The following SSBP3 variants were observed in gnomAD, a reference collection of about 807,000 sequenced individuals.
SSBP3 encodes the protein single-stranded DNA-binding protein 3.
In SSBP3, 5 loss-of-function variants were observed where a neutral mutation model predicts 69.6. The observed-to-expected ratio is 0.07, with a 90% confidence interval of 0.04 to 0.15. The LOEUF is 0.15. Among genes scored for constraint, SSBP3 ranks in the 10% least tolerant of loss-of-function variants. The pLI, the probability that SSBP3 is intolerant of heterozygous loss-of-function variation, is 1.00. For missense variants in SSBP3, 312 were observed against 534.0 expected (o/e 0.58, Z 4.10); for synonymous variants, 196 against 193.4 (o/e 1.01, Z -0.11).
intron 14 of SSBP3, among the ~76,000 whole-genome samples, chr1:54,229,107 C>A (rs1161448995): frequency 6.6e-6 from 1 of 152,238 alleles, no homozygotes; most frequent in East Asian, 1.9e-4. Flanking sequence ...TGAAACTGAG[C>A]CTCTCGGATC....
chr1:54,244,662 G>A (rs986523645), intron 9 of SSBP3, among the ~76,000 whole-genome samples: 10 of 152,180 alleles, frequency 6.6e-5, no homozygotes, highest in Non-Finnish European at 1.2e-4. Context: ...CTCGTATCAC[G>A]CGCATCTCTT....
chr1:54,368,219 A>C, intron 4 of SSBP3, among the ~76,000 whole-genome samples: 1 of 145,316 alleles, frequency 6.9e-6, no homozygotes, highest in East Asian at 2.0e-4. Flanking sequence ...AATGGCATGA[A>C]CCCGGGAGGC....
intron 4 of SSBP3, among the ~76,000 whole-genome samples, chr1:54,372,523 C>G (rs1647151938): frequency 6.6e-6 from 1 of 152,200 alleles, no homozygotes; most frequent in Non-Finnish European, 1.5e-5. Context: ...GCACTGACCA[C>G]CACCTACCTT....
At chr1:54,274,719 G>A (rs1645254225) in intron 5 of SSBP3, among the ~76,000 whole-genome samples, 1 of 152,196 alleles carries the variant, frequency 6.6e-6, no homozygotes, top group South Asian at 2.1e-4. Context: ...AGCCGGCCAA[G>A]GGCCCAGCCC....
At chr1:54,357,624 G>C (rs2100614478) in intron 4 of SSBP3, among the ~76,000 whole-genome samples, 1 of 152,312 alleles carries the variant, frequency 6.6e-6, no homozygotes, top group South Asian at 2.1e-4. Flanking sequence ...GTCCTAAGCT[G>C]CGCACAGCAG....
intron 4 of SSBP3, among the ~76,000 whole-genome samples, chr1:54,365,119 C>T (rs2100650551): frequency 6.6e-6 from 1 of 152,248 alleles, no homozygotes; most frequent in African/African-American, 2.4e-5. Flanking sequence ...TTTGCACCCG[C>T]ACCAGGAAAA....
chr1:54,403,408 T>C (rs2100822184), intron 3 of SSBP3, among the ~76,000 whole-genome samples: 1 of 152,162 alleles, frequency 6.6e-6, no homozygotes, highest in Non-Finnish European at 1.5e-5. Context: ...ATCATAAACC[T>C]AAGTTTCTAC....
chr1:54,351,877 A>G (rs1161230830), intron 4 of SSBP3, among the ~76,000 whole-genome samples: 1 of 152,118 alleles, frequency 6.6e-6, no homozygotes, highest in Non-Finnish European at 1.5e-5. Flanking sequence ...CTATCTATCC[A>G]TCCACCCACC....
At chr1:54,327,293 A>AACAACT (rs1315240746) in intron 4 of SSBP3, among the ~76,000 whole-genome samples, 1 of 151,298 alleles carries the variant, frequency 6.6e-6, no homozygotes, top group African/African-American at 2.4e-5. Context: ...GAACAACAAC[A>AACAACT]AAAAACCCCC....
chr1:54,270,452 G>GT (rs1645173891), intron 5 of SSBP3, among the ~76,000 whole-genome samples: 1 of 152,244 alleles, frequency 6.6e-6, no homozygotes, highest in Non-Finnish European at 1.5e-5. Context: ...ATGAAGGGAA[G>GT]TAACGTGTTA....
chr1:54,403,950 G>A (rs1191903208), intron 3 of SSBP3, among the ~76,000 whole-genome samples: 2 of 148,192 alleles, frequency 1.3e-5, no homozygotes, highest in Non-Finnish European at 3.0e-5. Flanking sequence ...GCCCCTAACT[G>A]CAGACACTGC....
At chr1:54,362,550 C>G in intron 4 of SSBP3, among the ~76,000 whole-genome samples, 1 of 152,206 alleles carries the variant, frequency 6.6e-6, no homozygotes, top group South Asian at 2.1e-4. Flanking sequence ...AAGGCGGAAG[C>G]CTCTACCCGA....
chr1:54,377,921 T>G (rs1341942027), intron 4 of SSBP3, among the ~76,000 whole-genome samples: 1 of 152,168 alleles, frequency 6.6e-6, no homozygotes, highest in Non-Finnish European at 1.5e-5. Context: ...TTTAAACATG[T>G]ATGGGTAAAT....
At chr1:54,308,080 G>A (rs2100246880) in intron 4 of SSBP3, among the ~76,000 whole-genome samples, 1 of 152,268 alleles carries the variant, frequency 6.6e-6, no homozygotes, top group East Asian at 1.9e-4. Context: ...AGTGCTTATA[G>A]AATCCATTAA....
rs1356387866 is a variant in SSBP3, at chr1:54,227,298, A to G, written c.1138-138T>C. The G allele has an allele frequency of 1.3e-5, 9 of 687,430 alleles. No individual in the cohort carries two copies. The East Asian group carries it at 2.3e-4, about 18-fold the overall frequency. The allele number at this position is 687,430 out of a possible 1,614,324, so 42.6% of individuals were successfully genotyped here. ...GGGATGTGGTTGAGCTGAGGGGCAC[A>G]TGGTGGCATGGAGTGGGCAGGGGGC... is the stretch of plus-strand genomic sequence containing the variant. On this transcript the variant is annotated intron_variant, in intron 17 of 17. Transcript: ENST00000610401.
At chr1:54,320,709 T>C (rs1208961608) in intron 4 of SSBP3, among the ~76,000 whole-genome samples, 1 of 152,024 alleles carries the variant, frequency 6.6e-6, no homozygotes, top group Non-Finnish European at 1.5e-5. Context: ...TGCTAGGAAC[T>C]GGGGGCAGAC....
At chr1:54,357,403 G>C (rs1646886113) in intron 4 of SSBP3, among the ~76,000 whole-genome samples, 1 of 152,040 alleles carries the variant, frequency 6.6e-6, no homozygotes. Context: ...TGTGGGGGTG[G>C]GCAGTGCTTC....
chr1:54,259,663 G>A (rs1180498533), intron 5 of SSBP3, among the ~76,000 whole-genome samples: 8 of 152,246 alleles, frequency 5.3e-5, no homozygotes, highest in Non-Finnish European at 2.9e-5. Flanking sequence ...GCAGAGCCAG[G>A]CTGCCAGCCG....
intron 4 of SSBP3, among the ~76,000 whole-genome samples, chr1:54,388,272 G>T (rs1335956065): frequency 1.3e-5 from 2 of 152,140 alleles, no homozygotes; most frequent in African/African-American, 2.4e-5. Context: ...AGGTAGAGTG[G>T]GGCTCTGGGT....
Sources: allele counts gnomAD v4.1 joint callset (sites outside exome capture counted in the v4.1 genomes callset), GRCh38; gene constraint gnomAD v4.1.1; transcripts MANE v1.5; gene names NCBI Gene and HGNC (gene_info 2026-07-23, HGNC 2026-07-21).